C2CD2: variants seen among roughly 807,000 people sequenced by gnomAD.
The protein encoded by C2CD2 is C2 calcium dependent domain containing 2.
Under a neutral mutation model 74.3 loss-of-function variants are expected in C2CD2, and 43 were observed. That is an observed-to-expected ratio of 0.58 (90% confidence interval 0.45 to 0.75). C2CD2 has a LOEUF of 0.75. Ranked by LOEUF, C2CD2 falls within the 30% of genes least tolerant of loss-of-function variation. The pLI, the probability that C2CD2 is intolerant of heterozygous loss-of-function variation, is 0.00. For synonymous variants in C2CD2, 422 were observed against 390.7 expected, an observed-to-expected ratio of 1.08 and a Z score of -0.94; for missense variants, 801 against 916.3, an observed-to-expected ratio of 0.87 and a Z score of 1.63.
chr21:41,922,804 C>T (rs2065169815), intron 2 of C2CD2, among the ~76,000 whole-genome samples: 1 of 152,068 alleles, frequency 6.6e-6, no homozygotes, highest in Admixed American at 6.6e-5. Context: ...ATAATCTGGA[C>T]TTTATATGTT....
intron 5 of C2CD2, among the ~76,000 whole-genome samples, chr21:41,917,377 A>G (rs1286451425): frequency 6.6e-6 from 1 of 152,248 alleles, no homozygotes; most frequent in South Asian, 2.1e-4. Context: ...ATCATGCTAC[A>G]TAAAACCACT....
At chr21:41,890,642 T>G (rs2064740816) in intron 13 of C2CD2, among the ~76,000 whole-genome samples, 1 of 152,218 alleles carries the variant, frequency 6.6e-6, no homozygotes, top group Non-Finnish European at 1.5e-5. Context: ...ATGTGATAAT[T>G]TATTCCCTTT....
chr21:41,942,079 C>T (rs1364518598), intron 2 of C2CD2, 68 bp downstream of exon 2: 1 of 1,533,968 alleles, frequency 6.5e-7, no homozygotes, highest in Non-Finnish European at 8.8e-7. Context: ...TGATTCTAAA[C>T]AAAGCAAACT....
Position 41,953,645 on chromosome 21 carries a change from C to T in C2CD2, c.4G>A (p.Ala2Thr). 6.9e-7 allele frequency: 1 copy of T among 1,453,984 alleles called. No individual in the cohort carries two copies. The highest frequency in any genetic ancestry group is 9.0e-7 in the Non-Finnish European group (1 of 1,111,012). The allele number at this position is 1,453,984 out of a possible 1,614,324, so 90.1% of individuals were successfully genotyped here. MAMARLGSWLGE... is the reference protein window; with the variant it reads MTMARLGSWLGE... The stretch of plus-strand genomic sequence containing the variant: ...AGCCACGAGCCCAGCCGGGCCATGG[C>T]CATGGCGCATCCCCGGCCCGCCTCG... The change falls in exon 1 of 14, where the codon GCC becomes ACC. Residue 2 changes from alanine (A) to threonine (T), a missense_variant. Transcript: ENST00000380486.
At chr21:41,914,798 G>T in intron 5 of C2CD2, 77 bp from the exon 6 acceptor site, 6 of 1,291,708 alleles carry the variant, frequency 4.6e-6, no homozygotes, top group Non-Finnish European at 5.4e-6. Context: ...CTGGACTCCT[G>T]TTATGGGGGG....
In C2CD2 at chr21:41,926,502, G is replaced by A. The variant is rs75668963; in HGVS notation, c.379-4417C>T. Reference sequence around the variant, plus strand: ...CTGAAGGCTGAAGAGCAGGCTGAGCGGGGAGGCCTTCATTCACCTTCTCGG... The same window carrying A: ...CTGAAGGCTGAAGAGCAGGCTGAGCAGGGAGGCCTTCATTCACCTTCTCGG... On this transcript the variant is annotated intron_variant, in intron 2 of 13. Coordinates refer to ENST00000380486, the MANE Select transcript of C2CD2 (RefSeq NM_015500.2). This position sits in a 1 kb window ranked among gnomAD's most constrained non-coding sequence, Gnocchi z 8.0. 8.4e-5 allele frequency: 58 copies of A among 688,936 alleles called. No homozygotes were observed. The East Asian group carries it at 3.1e-3, about 37-fold the overall frequency. 42.7% of individuals were successfully genotyped at this position (688,936 alleles called of 1,614,324 possible).
rs150820519 is a variant in C2CD2, at chr21:41,915,017, C to CG, written c.721-297dup. The stretch of plus-strand genomic sequence containing the variant: ...CAGGGTTCCCACAACTTACTTACCA[C>CG]GGGGGAAGATGGAGCTCACTTTGCC... On this transcript the variant is annotated intron_variant, in intron 5 of 13. Transcript: ENST00000380486. Among the ~76,000 whole-genome samples, 1,144 of 152,270 alleles carry CG rather than the reference C, an allele frequency of 7.5e-3. 7 individuals carry two copies. Among genetic ancestry groups the CG allele is most frequent in the Non-Finnish European group, 0.011 (780 of 68,008 alleles).
chr21:41,908,392 T>C (rs771034195), intron 8 of C2CD2: 1 of 152,934 alleles, frequency 6.5e-6, no homozygotes, highest in Non-Finnish European at 1.5e-5. Context: ...ATTGTTTTTG[T>C]AAAGTTCGAA....
chr21:41,897,520 G>A (rs1024103625), intron 13 of C2CD2, among the ~76,000 whole-genome samples: 1 of 152,190 alleles, frequency 6.6e-6, no homozygotes, highest in Admixed American at 6.5e-5. Context: ...AGAGGTCAGC[G>A]TGCAGCTTAC....
Position 41,886,040 on chromosome 21 carries a change from C to G in C2CD2, c.*3084G>C, listed in dbSNP as rs575537933. 1.3e-5 allele frequency: 2 copies of G among 152,438 alleles called. No individual in the cohort carries two copies. The highest frequency in any genetic ancestry group is 3.9e-4 in the East Asian group (2 of 5,188). 9.4% of individuals were successfully genotyped at this position (152,438 alleles called of 1,614,324 possible). On this transcript the variant is annotated 3_prime_UTR_variant, in exon 14 of 14. Transcript: ENST00000380486. ...TGTGCAAACACACATAACACACACA[C>G]ACACTTAAAGCTCCATTTCACTCCT...
In C2CD2 at chr21:41,932,567, G is replaced by C. The variant is rs1288123246; in HGVS notation, c.378+9580C>G. Among the ~76,000 whole-genome samples the C allele has an allele frequency of 2.0e-5, 3 of 150,532 alleles. 1 individual carries two copies. The highest frequency in any genetic ancestry group is 4.5e-5 in the Non-Finnish European group (3 of 67,138). On this transcript the variant is annotated intron_variant, in intron 2 of 13. Coordinates refer to ENST00000380486, the MANE Select transcript of C2CD2 (RefSeq NM_015500.2). Reference sequence around the variant, plus strand: ...GTTAAGTCTGAGTAATGTCAGAATGGAGTTGAACTGTAGGACACCCAGTTG... The same window carrying C: ...GTTAAGTCTGAGTAATGTCAGAATGCAGTTGAACTGTAGGACACCCAGTTG...
At chr21:41,909,665 G>C in intron 7 of C2CD2, 142 bp from the exon 8 acceptor site, 1 of 681,306 alleles carries the variant, frequency 1.5e-6, no homozygotes. Context: ...AGCAAAAAAA[G>C]GGAAAGAGTT....
chr21:41,914,601 A>C lies in C2CD2; in HGVS notation c.841T>G (p.Ser281Ala), dbSNP rs764131902. 7 of 1,613,118 alleles carry C rather than the reference A, an allele frequency of 4.3e-6. No individual in the cohort carries two copies. The highest frequency in any genetic ancestry group is 5.9e-6 in the Non-Finnish European group (7 of 1,179,594). The change falls in exon 6 of 14, where the codon TCA (serine) becomes GCA (alanine). Residue 281 changes from serine to alanine, a missense_variant. Transcript: ENST00000380486. ...HVLLLSEPGA[S>A]GHINAVCVVQ... ...GCAGGCTCCCATCGTCACCCACCTG[A>C]GGCACCGGGCTCGCTGAGCAGCAAG...
At chr21:41,908,067 G>A in intron 8 of C2CD2, 1 of 425,392 alleles carries the variant, frequency 2.4e-6, no homozygotes, top group Non-Finnish European at 4.3e-6. Flanking sequence ...GGACATCACG[G>A]GGTCGTCCAG....
intron 2 of C2CD2, among the ~76,000 whole-genome samples, chr21:41,940,794 C>T (rs1468200256): frequency 1.3e-5 from 2 of 152,184 alleles, no homozygotes; most frequent in African/African-American, 2.4e-5. Flanking sequence ...TAAAGTGAGA[C>T]CATACCATCA....
chr21:41,929,984 G>T lies in C2CD2; in HGVS notation c.379-7899C>A, dbSNP rs939115755. Among the ~76,000 whole-genome samples, 24 of 152,304 alleles carry T rather than the reference G, an allele frequency of 1.6e-4. No homozygotes were observed. The highest frequency in any genetic ancestry group is 3.3e-4 in the Admixed American group (5 of 15,300). On this transcript the variant is annotated intron_variant, in intron 2 of 13. Transcript: ENST00000380486. This position sits in a 1 kb window ranked among gnomAD's most constrained non-coding sequence, Gnocchi z 4.6. The stretch of plus-strand genomic sequence containing the variant: ...AGAAAGCAGGCACTTTCAAAAGGGG[G>T]CTTGGCATGAATGTCATGAAAGGGA...
chr21:41,932,384 T>C (rs993069759), intron 2 of C2CD2, among the ~76,000 whole-genome samples: 2 of 150,384 alleles, frequency 1.3e-5, no homozygotes, highest in African/African-American at 4.8e-5. Context: ...TTCTGTGCTA[T>C]GAGCCGCTCT....
At position 41,903,867 on chromosome 21, in the gene C2CD2, C is replaced by T. The variant is rs2064928930; in HGVS notation, c.1432+1857G>A. ...GGATCCTGCCCACGTGACAGGACCC[C>T]GCAGCATGGGCAGTGGGGGCACTGC... On this transcript the variant is annotated intron_variant, in intron 11 of 13. Coordinates refer to ENST00000380486, the MANE Select transcript of C2CD2 (RefSeq NM_015500.2). The surrounding 1 kb of genome is among the most constrained non-coding windows in gnomAD (Gnocchi z 4.5). Among the ~76,000 whole-genome samples the T allele has an allele frequency of 6.6e-6, 1 of 152,150 alleles. No homozygotes were observed. The highest frequency in any genetic ancestry group is 1.5e-5 in the Non-Finnish European group (1 of 68,020).
At chr21:41,942,084 C>T (rs2065359018) in intron 2 of C2CD2, 63 bp downstream of exon 2, 2 of 1,535,988 alleles carry the variant, frequency 1.3e-6, no homozygotes, top group South Asian at 2.4e-5. Flanking sequence ...CTAAACAAAG[C>T]AAACTCCCCG....
Sources: gnomAD v4.1 joint callset for allele counts (sites outside exome capture counted in the v4.1 genomes callset) on GRCh38, gnomAD v4.1.1 for gene constraint, Gnocchi (gnomAD v3.1) non-coding constraint, MANE v1.5 for transcripts, NCBI Gene and HGNC (gene_info 2026-07-23, HGNC 2026-07-21) for gene names.